Variants in RASA3 observed in about 807,000 individuals in gnomAD.
RASA3 encodes the protein RAS p21 protein activator 3, also known as ras GTPase-activating protein 3.
In RASA3, 73 loss-of-function variants were observed where a neutral mutation model predicts 110.0. That is an observed-to-expected ratio of 0.66 (90% CI 0.55 to 0.81). The LOEUF (loss-of-function observed/expected upper bound fraction) is 0.81. Ranked by LOEUF, RASA3 falls within the 30% of genes least tolerant of loss-of-function variation. The pLI is 0.00. For missense variants in RASA3, 976 were observed against 1,113.2 expected (o/e 0.88, Z 1.75); for synonymous variants, 500 against 451.4 (o/e 1.11, Z -1.37).
At chr13:114,016,073 C>G in intron 13 of RASA3, 124 bp downstream of exon 13, 2 of 784,456 alleles carry the variant, frequency 2.5e-6, no homozygotes, top group Non-Finnish European at 4.3e-6. Flanking sequence ...GGCGGGTATC[C>G]CCACGCCTGG....
Position 114,013,468 on chromosome 13 carries a change from CCT to C in RASA3, c.1406-222_1406-221del, listed in dbSNP as rs201091943. ...CTGTCTCTCCCCCTTTGTCTCTCTC[CCT>C]GTCTCTCTCCGTATCTCTGTCTCTC... On this transcript the variant is annotated intron_variant, in intron 14 of 23. Transcript: ENST00000334062. Among the ~76,000 whole-genome samples the C allele has an allele frequency of 6.8e-3, 972 of 142,014 alleles. 5 individuals carry two copies. The highest frequency in any genetic ancestry group is 0.022 in the African/African-American group (823 of 37,710). The allele number at this position is 142,014 out of a possible 152,430, so 93.2% of individuals were successfully genotyped here.
chr13:114,027,700 A>C (rs2054052728), intron 6 of RASA3, 147 bp downstream of exon 6: 4 of 933,150 alleles, frequency 4.3e-6, no homozygotes, highest in South Asian at 1.4e-5. Flanking sequence ...GGAGCAATAA[A>C]GAAAACAAAA....
chr13:114,003,691 T>C (rs1365981088), intron 18 of RASA3, among the ~76,000 whole-genome samples: 1 of 152,222 alleles, frequency 6.6e-6, no homozygotes, highest in Admixed American at 6.5e-5. Flanking sequence ...GCAATTGTGT[T>C]AGACGTACTC....
In RASA3 at chr13:114,018,755, AC is replaced by A; in HGVS notation, c.942+7del. 6.2e-7 allele frequency: 1 copy of A among 1,612,858 alleles called. No individual in the cohort carries two copies. Among genetic ancestry groups the A allele is most frequent in the East Asian group, 2.2e-5 (1 of 44,868 alleles). On this transcript the variant is annotated splice_region_variant and intron_variant, in intron 10 of 23. Coordinates refer to ENST00000334062, the MANE Select transcript of RASA3 (RefSeq NM_007368.4). ...CCCACACCCACAGGCCACGGCGTGG[AC>A]AAGCACCTCCACATCCGCAGACTTC...
chr13:114,103,578 G>GC (rs1200291744), intron 1 of RASA3, among the ~76,000 whole-genome samples: 1 of 34,404 alleles, frequency 2.9e-5, no homozygotes, highest in East Asian at 7.4e-4. Context: ...CGTCCATGCT[G>GC]CCACAGCCAC....
At chr13:114,109,943 G>GCTC (rs2080194463) in intron 1 of RASA3, among the ~76,000 whole-genome samples, 1 of 152,114 alleles carries the variant, frequency 6.6e-6, no homozygotes, top group Non-Finnish European at 1.5e-5. Context: ...TGAACGTCCC[G>GCTC]TCTCCTCAGC....
At chr13:114,077,775 C>A (rs1378754139) in intron 1 of RASA3, 12 of 969,028 alleles carry the variant, frequency 1.2e-5, no homozygotes, top group Non-Finnish European at 1.5e-5. Context: ...CAGGTTCCTC[C>A]CTCCCCGCCC....
chr13:114,111,539 C>G (rs112445654), intron 1 of RASA3, among the ~76,000 whole-genome samples: 17 of 40,448 alleles, frequency 4.2e-4, no homozygotes, highest in South Asian at 8.0e-4. Flanking sequence ...AGCTGCAGGC[C>G]GAGTTCTAAC....
intron 1 of RASA3, among the ~76,000 whole-genome samples, chr13:114,109,985 A>T (rs2080195195): frequency 6.6e-6 from 1 of 152,042 alleles, no homozygotes; most frequent in South Asian, 2.1e-4. Context: ...CTGCACCCTC[A>T]GGGCAACGAG....
intron 9 of RASA3, 42 bp from the exon 10 acceptor site, chr13:114,018,961 T>G: frequency 1.2e-6 from 2 of 1,609,604 alleles, no homozygotes; most frequent in Non-Finnish European, 1.7e-6. Context: ...TGAGGCTGCA[T>G]CTGCCAAGGA....
chr13:114,097,528 C>A (rs529253164), intron 1 of RASA3, among the ~76,000 whole-genome samples: 4 of 152,260 alleles, frequency 2.6e-5, no homozygotes, highest in Non-Finnish European at 5.9e-5. Context: ...AGGCATGATG[C>A]AGCCTGAAAA....
At chr13:114,005,482 G>A (rs955459637) in intron 18 of RASA3, among the ~76,000 whole-genome samples, 6 of 148,290 alleles carry the variant, frequency 4.0e-5, no homozygotes, top group Middle Eastern at 3.5e-3. Context: ...CAAGGTCACC[G>A]AGAAGGTGGC....
chr13:114,051,975 C>T (rs2079153605), intron 3 of RASA3, 77 bp downstream of exon 3: 3 of 1,194,116 alleles, frequency 2.5e-6, no homozygotes, highest in Non-Finnish European at 3.7e-6. Context: ...TCCAGCCAGG[C>T]TCTGGACTGA....
rs763119222 is a variant in RASA3 at position 114,052,114 on chromosome 13, C to T, written c.215G>A (p.Ser72Asn). Reference sequence around the variant, plus strand: ...AATGTAGAAGGACAGGTGACGAAAGCTCCGAGGAATTTCACAGTAAAAGTC... The same window carrying T: ...AATGTAGAAGGACAGGTGACGAAAGTTCCGAGGAATTTCACAGTAAAAGTC... The part of the protein sequence containing the change: ...GEDFYCEIPR[S>N]FRHLSFYIFD... The change falls in exon 3 of 24, where the codon AGC (serine) becomes AAC (asparagine). Residue 72 changes from serine (S) to asparagine (N), a missense_variant. By Grantham distance (46) the Ser-to-Asn change is conservative (BLOSUM62 1). Coordinates refer to ENST00000334062, the MANE Select transcript of RASA3 (RefSeq NM_007368.4). 1 of 1,613,558 alleles carries T rather than the reference C, an allele frequency of 6.2e-7. No homozygotes were observed. The highest frequency in any genetic ancestry group is 1.1e-5 in the South Asian group (1 of 91,084).
At chr13:114,098,431 G>A (rs1052680128) in intron 1 of RASA3, among the ~76,000 whole-genome samples, 4 of 152,174 alleles carry the variant, frequency 2.6e-5, no homozygotes, top group African/African-American at 9.7e-5. Flanking sequence ...TGGGGGAACA[G>A]AGACACGAAC....
chr13:114,073,362 A>G (rs71449067), intron 2 of RASA3, among the ~76,000 whole-genome samples: 2 of 137,552 alleles, frequency 1.5e-5, no homozygotes, highest in Admixed American at 7.2e-5. Flanking sequence ...CACTGTCTAC[A>G]CACAGAAAAA....
chr13:114,109,526 C>T (rs1306457696), intron 1 of RASA3, among the ~76,000 whole-genome samples: 1 of 152,194 alleles, frequency 6.6e-6, no homozygotes, highest in Non-Finnish European at 1.5e-5. Context: ...CGGTGGGCTG[C>T]GGACGTTGAC....
intron 2 of RASA3, among the ~76,000 whole-genome samples, chr13:114,052,672 G>C (rs113291473): frequency 6.6e-6 from 1 of 150,820 alleles, no homozygotes; most frequent in South Asian, 2.1e-4. Flanking sequence ...TAGAGTCCTC[G>C]CTCCTGGGGG....
At chr13:114,128,118 T>C (rs2080474264) in intron 1 of RASA3, among the ~76,000 whole-genome samples, 2 of 152,208 alleles carry the variant, frequency 1.3e-5, no homozygotes, top group Admixed American at 1.3e-4. Context: ...GCTCGGTTAA[T>C]AAAATATCCA....
Sources: allele counts gnomAD v4.1 joint callset (sites outside exome capture counted in the v4.1 genomes callset), GRCh38; gene constraint gnomAD v4.1.1; transcripts MANE v1.5; gene names NCBI Gene and HGNC (gene_info 2026-07-23, HGNC 2026-07-21).